The following GOT1 variants were observed in gnomAD, a reference collection of about 807,000 sequenced individuals.
GOT1 encodes glutamic-oxaloacetic transaminase 1.
GOT1 carries 25 observed loss-of-function variants against 48.2 expected under a neutral mutation model. The ratio of observed to expected loss-of-function variants is 0.52; its 90% CI spans 0.38 to 0.72. The LOEUF (loss-of-function observed/expected upper bound fraction) is 0.72, where lower values mean the gene tolerates loss of function less well. GOT1 is among the 30% of genes least tolerant of loss of function. GOT1 has a pLI of 0.00. For missense variants in GOT1, 380 were observed against 520.1 expected (o/e 0.73, Z 2.62); for synonymous variants, 188 against 193.8 (o/e 0.97, Z 0.25).
rs1194760500 is a variant in GOT1 at position 99,402,651 on chromosome 10, G to A, written c.1031C>T (p.Ala344Val). 1.2e-6 allele frequency: 2 copies of A among 1,613,748 alleles called. No individual in the cohort carries two copies. Residue 344 changes from alanine (A) to valine (V), a missense_variant, in exon 8 of 9, where the codon GCC becomes GTC. Coordinates refer to ENST00000370508, the MANE Select transcript of GOT1 (RefSeq NM_002079.3). ...GTTCCAGGTCCCAGGGGTTTTGAGG[G>A]CTTCTAGTCGTGCCCTGAGTTCAGA... Reference protein sequence around the residue: ...MRSELRARLEALKTPGTWNHI... With the variant: ...MRSELRARLEVLKTPGTWNHI...
Position 99,403,651 on chromosome 10 carries a change from G to A in GOT1, c.794-17C>T. ...CTCTCTCATCTAAAGAGAGGGACCA[G>A]AATCAGCTGTGGCTGCTGAAGCAGG... On this transcript the variant is annotated splice_polypyrimidine_tract_variant and intron_variant, in intron 6 of 8. Transcript: ENST00000370508. 2 of 1,614,034 alleles carry A rather than the reference G, an allele frequency of 1.2e-6. No individual in the cohort carries two copies. The highest frequency in any genetic ancestry group is 1.7e-6 in the Non-Finnish European group (2 of 1,179,900).
At chr10:99,408,137 G>C (rs553671880) in intron 2 of GOT1, among the ~76,000 whole-genome samples, 1 of 152,158 alleles carries the variant, frequency 6.6e-6, no homozygotes, top group South Asian at 2.1e-4. Flanking sequence ...GCCCTCTAAA[G>C]TCAAGTCTAT....
At chr10:99,429,295 G>A (rs894911293) in intron 1 of GOT1, among the ~76,000 whole-genome samples, 44 of 151,034 alleles carry the variant, frequency 2.9e-4, no homozygotes, top group Non-Finnish European at 4.3e-4. Context: ...TGATCCGCCC[G>A]TCTCAGCCTC....
chr10:99,413,267 C>G (rs2032850765), intron 2 of GOT1, among the ~76,000 whole-genome samples: 1 of 152,188 alleles, frequency 6.6e-6, no homozygotes, highest in South Asian at 2.1e-4. Context: ...AGCTGAAAAC[C>G]ATGGCACGAG....
chr10:99,417,332 CTCA>C (rs1489174339), intron 2 of GOT1, among the ~76,000 whole-genome samples: 10 of 152,154 alleles, frequency 6.6e-5, no homozygotes, highest in Non-Finnish European at 1.5e-4. Flanking sequence ...TGAAAAAATG[CTCA>C]TCATCACTGG....
chr10:99,413,792 T>C (rs1034289211), intron 2 of GOT1, among the ~76,000 whole-genome samples: 8 of 152,318 alleles, frequency 5.3e-5, no homozygotes, highest in African/African-American at 1.9e-4. Flanking sequence ...TATTCAACAT[T>C]CTTAAAGAAA....
intron 1 of GOT1, among the ~76,000 whole-genome samples, chr10:99,425,775 G>A (rs572578318): frequency 7.9e-5 from 12 of 152,166 alleles, no homozygotes; most frequent in African/African-American, 2.4e-4. Context: ...TCAAGGGGAA[G>A]GTGGAAATGA....
intron 7 of GOT1, 116 bp downstream of exon 7, chr10:99,403,353 A>C: frequency 1.2e-6 from 1 of 832,042 alleles, no homozygotes; most frequent in South Asian, 1.8e-5. Flanking sequence ...AAAGAAGTTA[A>C]AGTAATTTTA....
chr10:99,401,996 C>T (rs186875286), intron 8 of GOT1, among the ~76,000 whole-genome samples: 1 of 151,684 alleles, frequency 6.6e-6, no homozygotes, highest in Non-Finnish European at 1.5e-5. Flanking sequence ...TTTTAATAGA[C>T]ACGGGGTTTC....
Position 99,406,836 on chromosome 10 carries a change from T to C in GOT1, c.314A>G (p.Gln105Arg), listed in dbSNP as rs756780129. The stretch of plus-strand genomic sequence containing the variant: ...AAGTGCACCTGTTCCCCCCAAAGAT[T>C]GCACACCTCCTACCTGAAAGAGAAG... ...ALKEKRVGGV[Q>R]SLGGTGALRI... Residue 105 changes from glutamine to arginine, a missense_variant, in exon 3 of 9, where the codon CAA (glutamine) becomes CGA (arginine). Physicochemically the swap from Gln to Arg is conservative, Grantham distance 43. Transcript: ENST00000370508. 1 of 1,613,904 alleles carries C rather than the reference T, an allele frequency of 6.2e-7. No homozygotes were observed. Among genetic ancestry groups the C allele is most frequent in the Non-Finnish European group, 8.5e-7 (1 of 1,179,802 alleles).
rs562275086 is a variant in GOT1, at chr10:99,413,333, G to A, written c.301-6484C>T. Among the ~76,000 whole-genome samples the A allele has an allele frequency of 7.6e-4, 116 of 152,230 alleles. 1 individual carries two copies. The highest frequency in any genetic ancestry group is 2.7e-3 in the African/African-American group (114 of 41,522). On this transcript the variant is annotated intron_variant, in intron 2 of 8. Transcript: ENST00000370508. Reference sequence around the variant, plus strand: ...GCCGATTCGATCAACTGGAAGAAAGGGTATCAGTGATGGAAGATCAAATGA... The same window carrying A: ...GCCGATTCGATCAACTGGAAGAAAGAGTATCAGTGATGGAAGATCAAATGA...
chr10:99,419,781 T>G (rs974276126), intron 2 of GOT1, among the ~76,000 whole-genome samples: 4 of 152,172 alleles, frequency 2.6e-5, no homozygotes, highest in Non-Finnish European at 5.9e-5. Context: ...AGAACCAGTG[T>G]CCCGGCCTCG....
intron 1 of GOT1, among the ~76,000 whole-genome samples, chr10:99,421,251 C>G (rs1170360080): frequency 6.6e-6 from 1 of 152,182 alleles, no homozygotes; most frequent in Non-Finnish European, 1.5e-5. Flanking sequence ...CCAGAAAAAG[C>G]CTAGGTGCTA....
Position 99,403,527 on chromosome 10 carries a change from C to T in GOT1, c.901G>A (p.Ala301Thr), listed in dbSNP as rs753494019. ...IVRITWSNPP[A>T]QGARIVASTL... ...CTGGCCACAATTCGTGCTCCCTGGG[C>T]GGGGGGATTGGACCAAGTAATCCGC... The change falls in exon 7 of 9, where the codon GCC becomes ACC. Residue 301 changes from alanine to threonine, a missense_variant. Transcript: ENST00000370508. The T allele has an allele frequency of 1.8e-5, 29 of 1,613,856 alleles. No individual in the cohort carries two copies. The highest frequency in any genetic ancestry group is 1.8e-4 in the South Asian group (16 of 91,082).
chr10:99,429,501 A>C (rs373200541), intron 1 of GOT1, among the ~76,000 whole-genome samples: 2 of 152,108 alleles, frequency 1.3e-5, no homozygotes, highest in African/African-American at 4.8e-5. Flanking sequence ...TAAGTCTATT[A>C]CCTAGCATAA....
chr10:99,397,227 A>T lies in GOT1; in HGVS notation c.*320T>A, dbSNP rs1361684131. 1 of 259,798 alleles carries T rather than the reference A, an allele frequency of 3.8e-6. No homozygotes were observed. The highest frequency in any genetic ancestry group is 7.6e-6 in the Non-Finnish European group (1 of 132,112). 16.1% of individuals were successfully genotyped at this position (259,798 alleles called of 1,614,324 possible). A position where few individuals can be genotyped will look rare whatever the true frequency, so the allele number is the denominator to read the frequency against. On this transcript the variant is annotated 3_prime_UTR_variant, in exon 9 of 9. Transcript: ENST00000370508. The surrounding 1 kb of genome is among the most constrained non-coding windows in gnomAD (Gnocchi z 5.4). Reference sequence around the variant, plus strand: ...TTGTACAGAGTCAAACACCACATAGAAGCACGTGGCCGCCACACACAACAC... The same window carrying T: ...TTGTACAGAGTCAAACACCACATAGTAGCACGTGGCCGCCACACACAACAC...
intron 2 of GOT1, 131 bp downstream of exon 2, chr10:99,420,493 T>C: frequency 1.5e-6 from 1 of 688,140 alleles, no homozygotes; most frequent in Non-Finnish European, 2.4e-6. Flanking sequence ...GTTCCTGAAC[T>C]CGCGCTACAG....
rs1331796577 is a variant in GOT1, at chr10:99,420,684, G to A, written c.240C>T (p.Phe80=). 4 of 1,614,066 alleles carry A rather than the reference G, an allele frequency of 2.5e-6. No homozygotes were observed. The highest frequency in any genetic ancestry group is 3.4e-6 in the Non-Finnish European group (4 of 1,179,976). The part of the protein sequence containing the change: ...EYLPILGLAE[F]RSCASRLALG... ...GGGCAAGACGAGAAGCACAGCTCCG[G>A]AACTCAGCCAGGCCCAGGATTGGCA... Residue 80 remains phenylalanine, a synonymous_variant, in exon 2 of 9, where the codon TTC becomes TTT. Transcript: ENST00000370508.
chr10:99,413,165 C>T (rs1310935639), intron 2 of GOT1, among the ~76,000 whole-genome samples: 1 of 152,098 alleles, frequency 6.6e-6, no homozygotes, highest in Non-Finnish European at 1.5e-5. Flanking sequence ...AAGTTCGAAC[C>T]CATCGCAAAG....
Sources: gnomAD v4.1 joint callset for allele counts (sites outside exome capture counted in the v4.1 genomes callset) on GRCh38, gnomAD v4.1.1 for gene constraint, Gnocchi (gnomAD v3.1) non-coding constraint, MANE v1.5 for transcripts, NCBI Gene and HGNC (gene_info 2026-07-23, HGNC 2026-07-21) for gene names.